GABRB2: variants seen among roughly 807,000 people sequenced by gnomAD.
The protein encoded by GABRB2 is gamma-aminobutyric acid receptor subunit beta-2.
GABRB2 carries 16 observed loss-of-function variants against 54.7 expected under a neutral mutation model. That is an observed-to-expected ratio of 0.29 (90% CI 0.20 to 0.44). The LOEUF (loss-of-function observed/expected upper bound fraction) is 0.44, where lower values mean the gene tolerates loss of function less well. GABRB2 is among the 20% of genes least tolerant of loss of function. GABRB2 has a pLI of 1.00. For synonymous variants in GABRB2, 244 were observed against 233.8 expected (o/e 1.04, Z -0.40); for missense variants, 355 against 644.0 (o/e 0.55, Z 4.86).
rs184510021 is a variant in GABRB2, at chr5:161,377,229, A to T, written c.541+33746T>A. Among the ~76,000 whole-genome samples, 7 of 152,252 alleles carry T rather than the reference A, an allele frequency of 4.6e-5. No homozygotes were observed. The East Asian group carries it at 1.3e-3, about 29-fold the overall frequency. On this transcript the variant is annotated intron_variant, in intron 5 of 9. Coordinates refer to ENST00000393959, the MANE Select transcript of GABRB2 (RefSeq NM_001371727.1). Reference sequence around the variant, plus strand: ...GTGTCTGTAGAATCACTGTGTTTGCAGGCTGACACTCATGTGGAATCAGCT... The same window carrying T: ...GTGTCTGTAGAATCACTGTGTTTGCTGGCTGACACTCATGTGGAATCAGCT...
chr5:161,537,133 C>T lies in GABRB2; in HGVS notation c.237+8094G>A, dbSNP rs139755981. ...TTTAAGACATGATTATCTGGAGTAT[C>T]TTGTACTAACTCTCTGACTGCTACT... On this transcript the variant is annotated intron_variant, in intron 3 of 9. Coordinates refer to ENST00000393959, the MANE Select transcript of GABRB2 (RefSeq NM_001371727.1). Among the ~76,000 whole-genome samples, 140 of 152,292 alleles carry T rather than the reference C, an allele frequency of 9.2e-4. 1 individual carries two copies. The highest frequency in any genetic ancestry group is 3.2e-3 in the African/African-American group (131 of 41,568).
intron 9 of GABRB2, among the ~76,000 whole-genome samples, chr5:161,298,722 C>T (rs1186512343): frequency 6.6e-6 from 1 of 152,168 alleles, no homozygotes; most frequent in Non-Finnish European, 1.5e-5. Context: ...TGTTATTTTC[C>T]ATAGTGCTAC....
intron 3 of GABRB2, among the ~76,000 whole-genome samples, chr5:161,508,842 G>A (rs182220688): frequency 3.9e-5 from 6 of 151,992 alleles, no homozygotes; most frequent in East Asian, 3.9e-4. Context: ...ACTATTCTTC[G>A]TTCCTATACT....
At chr5:161,364,447 G>A (rs556518068) in intron 5 of GABRB2, among the ~76,000 whole-genome samples, 5 of 152,216 alleles carry the variant, frequency 3.3e-5, no homozygotes, top group South Asian at 2.1e-4. Flanking sequence ...AAGGCAGAAC[G>A]AATGAATACT....
At chr5:161,455,690 A>G (rs1317581767) in intron 4 of GABRB2, among the ~76,000 whole-genome samples, 1 of 151,584 alleles carries the variant, frequency 6.6e-6, no homozygotes, top group Non-Finnish European at 1.5e-5. Flanking sequence ...ATGCCACCAC[A>G]CCCAGCTAAT....
intron 4 of GABRB2, among the ~76,000 whole-genome samples, chr5:161,455,181 C>G (rs1030828289): frequency 6.6e-6 from 1 of 152,186 alleles, no homozygotes; most frequent in African/African-American, 2.4e-5. Flanking sequence ...AGACTTAGAG[C>G]TCTTGTGCAC....
intron 9 of GABRB2, among the ~76,000 whole-genome samples, chr5:161,305,377 T>C (rs1028087367): frequency 6.6e-6 from 1 of 152,234 alleles, no homozygotes; most frequent in African/African-American, 2.4e-5. Flanking sequence ...CAAATTATTA[T>C]GAACCCTCAG....
chr5:161,334,950 T>C (rs759994254), intron 6 of GABRB2, 46 bp from the exon 7 acceptor site: 3 of 1,579,796 alleles, frequency 1.9e-6, no homozygotes, highest in African/African-American at 1.4e-5. Context: ...TCAATATTTA[T>C]AGGATACTTT....
intron 5 of GABRB2, among the ~76,000 whole-genome samples, chr5:161,375,892 A>G (rs1447582061): frequency 1.3e-5 from 2 of 152,128 alleles, no homozygotes; most frequent in Non-Finnish European, 2.9e-5. Flanking sequence ...AAAAAGTACT[A>G]CTATCTCTGG....
At chr5:161,427,437 T>C (rs780807707) in intron 4 of GABRB2, among the ~76,000 whole-genome samples, 1 of 152,056 alleles carries the variant, frequency 6.6e-6, no homozygotes, top group Non-Finnish European at 1.5e-5. Flanking sequence ...CTGGAGATGA[T>C]GGGTAAAGAA....
chr5:161,321,245 A>G (rs1260594319), intron 9 of GABRB2, among the ~76,000 whole-genome samples: 2 of 152,114 alleles, frequency 1.3e-5, no homozygotes, highest in Non-Finnish European at 2.9e-5. Context: ...AAAAGAGTAA[A>G]TACTAAGTTC....
chr5:161,461,526 A>T (rs1219314141), intron 3 of GABRB2, among the ~76,000 whole-genome samples: 1 of 152,160 alleles, frequency 6.6e-6, no homozygotes, highest in Non-Finnish European at 1.5e-5. Context: ...TAAATGTACA[A>T]CTCAAATGCA....
intron 3 of GABRB2, among the ~76,000 whole-genome samples, chr5:161,485,477 G>A (rs1758893188): frequency 6.6e-6 from 1 of 151,844 alleles, no homozygotes; most frequent in Admixed American, 6.6e-5. Context: ...TCTTTTTAAG[G>A]CATACATAGC....
At chr5:161,459,866 AC>A in intron 3 of GABRB2, 22 bp from the exon 4 acceptor site, 1 of 1,502,488 alleles carries the variant, frequency 6.7e-7, no homozygotes, top group Non-Finnish European at 9.3e-7. Flanking sequence ...AGAAAAAAAA[AC>A]ATGGTTAGTT....
chr5:161,481,857 C>T (rs1378609719), intron 3 of GABRB2, among the ~76,000 whole-genome samples: 2 of 151,948 alleles, frequency 1.3e-5, no homozygotes, highest in South Asian at 2.1e-4. Context: ...ATTCATTTTT[C>T]CCAGGCTCTA....
intron 3 of GABRB2, among the ~76,000 whole-genome samples, chr5:161,540,720 C>A (rs894630961): frequency 6.6e-6 from 1 of 152,166 alleles, no homozygotes; most frequent in Non-Finnish European, 1.5e-5. Context: ...TGTTAGCAAG[C>A]ATGAAAACAG....
chr5:161,408,731 G>A (rs1222697477), intron 5 of GABRB2, among the ~76,000 whole-genome samples: 1 of 151,938 alleles, frequency 6.6e-6, no homozygotes, highest in Non-Finnish European at 1.5e-5. Flanking sequence ...CAGAGGGAAG[G>A]AGGAAGGAGA....
intron 8 of GABRB2, chr5:161,330,250 G>T (rs1312218493): frequency 6.6e-6 from 1 of 152,180 alleles, no homozygotes; most frequent in Non-Finnish European, 1.5e-5. Flanking sequence ...GTCAAATGCT[G>T]CAATGATAAG....
At chr5:161,512,739 G>A (rs536295393) in intron 3 of GABRB2, among the ~76,000 whole-genome samples, 30 of 152,032 alleles carry the variant, frequency 2.0e-4, no homozygotes, top group Admixed American at 1.7e-3. Flanking sequence ...ACTAAAGAGC[G>A]TCTGCACAGC....
Sources: allele counts gnomAD v4.1 joint callset (sites outside exome capture counted in the v4.1 genomes callset), GRCh38; gene constraint gnomAD v4.1.1; transcripts MANE v1.5; gene names NCBI Gene and HGNC (gene_info 2026-07-23, HGNC 2026-07-21).